The following CSGALNACT1 variants were observed in gnomAD, a reference collection of about 807,000 sequenced individuals.
CSGALNACT1 encodes chondroitin sulfate N-acetylgalactosaminyltransferase 1, also known as beta4GalNAcT-1.
In CSGALNACT1, 52 loss-of-function variants were observed where a neutral mutation model predicts 51.0. The ratio of observed to expected loss-of-function variants is 1.02; its 90% CI spans 0.82 to 1.29. CSGALNACT1 has a LOEUF of 1.29. CSGALNACT1 is among the 50% of genes most tolerant of loss of function. The probability of loss-of-function intolerance (pLI) is 0.00; values close to 1 mark genes in which losing one functional copy is unlikely to be tolerated. For synonymous variants in CSGALNACT1, 341 were observed against 254.4 expected, an observed-to-expected ratio of 1.34 and a Z score of -3.24; for missense variants, 935 against 679.2, an observed-to-expected ratio of 1.38 and a Z score of -4.19.
At chr8:19,448,751 G>A (rs6586833) in intron 5 of CSGALNACT1, among the ~76,000 whole-genome samples, 97,692 of 152,004 alleles carry the variant, frequency 0.64, 32,107 homozygotes, top group East Asian at 0.86. Flanking sequence ...ATTCTTTCCT[G>A]AGTCAATTTG....
chr8:19,439,189 A>G (rs921405154), intron 6 of CSGALNACT1, among the ~76,000 whole-genome samples: 5 of 152,232 alleles, frequency 3.3e-5, no homozygotes. Context: ...AAATCCATCT[A>G]TGCTGCTTTT....
At chr8:19,729,069 G>A (rs17091190) in intron 1 of CSGALNACT1, among the ~76,000 whole-genome samples, 21,516 of 151,308 alleles carry the variant, frequency 0.14, 1,662 homozygotes, top group Middle Eastern at 0.17. Flanking sequence ...AAAATATTCC[G>A]TGGATAAGTC....
chr8:19,466,506 T>C, intron 4 of CSGALNACT1, among the ~76,000 whole-genome samples: 1 of 152,206 alleles, frequency 6.6e-6, no homozygotes, highest in East Asian at 1.9e-4. Flanking sequence ...TCTAAAATAG[T>C]ATTTTTTATT....
intron 4 of CSGALNACT1, among the ~76,000 whole-genome samples, chr8:19,492,898 AAGATT>A (rs1223436358): frequency 6.6e-6 from 1 of 152,198 alleles, no homozygotes. Context: ...TGGTAAAAAT[AAGATT>A]TAAGTCTTCT....
At chr8:19,503,893 C>G (rs1309497265) in intron 4 of CSGALNACT1, among the ~76,000 whole-genome samples, 2 of 151,702 alleles carry the variant, frequency 1.3e-5, no homozygotes, top group Non-Finnish European at 2.9e-5. Flanking sequence ...TTATGGTTCA[C>G]TTATCAAGTC....
At chr8:19,655,119 T>C (rs759882303) in intron 1 of CSGALNACT1, among the ~76,000 whole-genome samples, 4 of 152,042 alleles carry the variant, frequency 2.6e-5, no homozygotes, top group Non-Finnish European at 5.9e-5. Flanking sequence ...CTTTGGAAAA[T>C]AGTGATTAGC....
intron 1 of CSGALNACT1, among the ~76,000 whole-genome samples, chr8:19,646,939 G>A (rs1375471451): frequency 2.0e-5 from 3 of 151,220 alleles, no homozygotes; most frequent in Non-Finnish European, 4.4e-5. Flanking sequence ...AATAGTTTTG[G>A]TGCTCAGCTC....
chr8:19,618,706 A>G (rs2053414594), intron 1 of CSGALNACT1, among the ~76,000 whole-genome samples: 1 of 151,712 alleles, frequency 6.6e-6, no homozygotes, highest in Admixed American at 6.6e-5. Context: ...AACCTTAGCA[A>G]TCATGGCACC....
At chr8:19,590,479 G>A (rs1435983658) in intron 3 of CSGALNACT1, among the ~76,000 whole-genome samples, 3 of 152,094 alleles carry the variant, frequency 2.0e-5, no homozygotes, top group African/African-American at 7.2e-5. Context: ...CTAATTCCAA[G>A]GTTGAGACAT....
At chr8:19,558,247 A>C (rs1009157136) in intron 3 of CSGALNACT1, among the ~76,000 whole-genome samples, 5 of 152,188 alleles carry the variant, frequency 3.3e-5, no homozygotes, top group Non-Finnish European at 7.4e-5. Context: ...ACACTTTTAC[A>C]TTCACTTTGG....
chr8:19,526,322 C>T (rs952009232), intron 3 of CSGALNACT1, among the ~76,000 whole-genome samples: 1 of 152,184 alleles, frequency 6.6e-6, no homozygotes, highest in Non-Finnish European at 1.5e-5. Context: ...CAGTGGCTTA[C>T]GCCTATAATC....
At chr8:19,413,088 A>G (rs1235782360) in intron 8 of CSGALNACT1, among the ~76,000 whole-genome samples, 1 of 152,174 alleles carries the variant, frequency 6.6e-6, no homozygotes, top group Non-Finnish European at 1.5e-5. Context: ...GTCAAAGGCC[A>G]TCTCCTTCCA....
intron 1 of CSGALNACT1, among the ~76,000 whole-genome samples, chr8:19,666,862 A>C (rs2059278543): frequency 7.7e-6 from 1 of 130,144 alleles, no homozygotes; most frequent in African/African-American, 3.5e-5. Context: ...AGAAAGAAAG[A>C]AAGAAAGAAA....
chr8:19,426,856 T>C (rs182644319), intron 6 of CSGALNACT1, among the ~76,000 whole-genome samples: 1 of 152,358 alleles, frequency 6.6e-6, no homozygotes, highest in African/African-American at 2.4e-5. Context: ...TACTCTAATA[T>C]AGACTTTTCC....
chr8:19,561,997 G>T (rs961127333), intron 3 of CSGALNACT1, among the ~76,000 whole-genome samples: 1 of 152,022 alleles, frequency 6.6e-6, no homozygotes, highest in Non-Finnish European at 1.5e-5. Context: ...ATCCTCCACC[G>T]TGGCTTCCAC....
intron 1 of CSGALNACT1, among the ~76,000 whole-genome samples, chr8:19,709,387 G>C (rs551462197): frequency 1.3e-5 from 2 of 152,220 alleles, no homozygotes; most frequent in African/African-American, 2.4e-5. Context: ...GGGAGGAAGA[G>C]ACAATAGAAA....
intron 4 of CSGALNACT1, among the ~76,000 whole-genome samples, chr8:19,467,092 A>G (rs910917898): frequency 3.6e-5 from 5 of 138,066 alleles, no homozygotes; most frequent in Admixed American, 1.5e-4. Flanking sequence ...TCATTTCACC[A>G]TTGGTACTAG....
chr8:19,435,864 C>T (rs188023719), intron 6 of CSGALNACT1, among the ~76,000 whole-genome samples: 6 of 152,236 alleles, frequency 3.9e-5, no homozygotes, highest in East Asian at 1.9e-4. Context: ...GAATATATTA[C>T]GCATCCTTAT....
intron 1 of CSGALNACT1, among the ~76,000 whole-genome samples, chr8:19,756,411 A>T (rs1355616541): frequency 6.6e-6 from 1 of 152,210 alleles, no homozygotes; most frequent in Non-Finnish European, 1.5e-5. Context: ...CTGTTTTGGC[A>T]GGCACAGTGC....
Sources: gnomAD v4.1 joint callset for allele counts (sites outside exome capture counted in the v4.1 genomes callset) on GRCh38, gnomAD v4.1.1 for gene constraint, MANE v1.5 for transcripts, NCBI Gene and HGNC (gene_info 2026-07-23, HGNC 2026-07-21) for gene names.